Variants in AVPR1A observed in about 807,000 individuals in gnomAD.
AVPR1A encodes the protein vasopressin V1a receptor.
AVPR1A carries 31 observed loss-of-function variants against 31.5 expected under a neutral mutation model. That is an observed-to-expected ratio of 0.99 (90% CI 0.74 to 1.33). The LOEUF (loss-of-function observed/expected upper bound fraction) is 1.33, where lower values mean the gene tolerates loss of function less well. Among genes scored for constraint, AVPR1A ranks in the 40% most tolerant of loss-of-function variants. The pLI, the probability that AVPR1A is intolerant of heterozygous loss-of-function variation, is 0.00. For synonymous variants in AVPR1A, 243 were observed against 233.2 expected (o/e 1.04, Z -0.38); for missense variants, 570 against 575.2 (o/e 0.99, Z 0.09).
rs1868340696 is a variant in AVPR1A, at chr12:63,144,156, T to C, written c.*3203A>G. 1 of 152,214 alleles carries C rather than the reference T, an allele frequency of 6.6e-6. No individual in the cohort carries two copies. The highest frequency in any genetic ancestry group is 2.4e-5 in the African/African-American group (1 of 41,452). 9.4% of individuals were successfully genotyped at this position (152,214 alleles called of 1,614,324 possible). A position where few individuals can be genotyped will look rare whatever the true frequency, so the allele number is the denominator to read the frequency against. On this transcript the variant is annotated 3_prime_UTR_variant, in exon 2 of 2. Transcript: ENST00000299178. ...CCTTCCCGAAATCATGGCATAAGAC[T>C]TGTTTGATGATGATAGAAATTCTAT...
rs754190353 is a variant in AVPR1A, at chr12:63,147,646, C to A, written c.971-1G>T. Reference sequence around the variant, plus strand: ...ATGGTGATGGTAGGGTTTTCCGATTCTGCATGAAAAATATAAAGGGAAATC... The same window carrying A: ...ATGGTGATGGTAGGGTTTTCCGATTATGCATGAAAAATATAAAGGGAAATC... On this transcript the variant is annotated splice_acceptor_variant, in intron 1 of 1. Coordinates refer to ENST00000299178, the MANE Select transcript of AVPR1A (RefSeq NM_000706.5). LOFTEE classifies it high-confidence loss of function. 1 of 1,608,288 alleles carries A rather than the reference C, an allele frequency of 6.2e-7. No homozygotes were observed. Among genetic ancestry groups the A allele is most frequent in the Non-Finnish European group, 8.5e-7 (1 of 1,175,550 alleles).
chr12:63,150,377 A>T lies in AVPR1A; in HGVS notation c.460T>A (p.Cys154Ser). 6.2e-7 allele frequency: 1 copy of T among 1,613,898 alleles called. No individual in the cohort carries two copies. The highest frequency in any genetic ancestry group is 8.5e-7 in the Non-Finnish European group (1 of 1,179,986). The change falls in exon 1 of 2, where the codon TGC (cysteine) becomes AGC (serine). Residue 154 changes from cysteine to serine, a missense_variant. Coordinates refer to ENST00000299178, the MANE Select transcript of AVPR1A (RefSeq NM_000706.5). The surrounding 1 kb of genome is among the most constrained non-coding windows in gnomAD (Gnocchi z 4.9). ...TGTTGCAGAGTCTTGAGCGGGTGGC[A>T]CACCGCGATGTAGCGGTCGGCTGTC... is the stretch of plus-strand genomic sequence containing the variant. The part of the protein sequence containing the change: ...VMTADRYIAV[C>S]HPLKTLQQPA...
At position 63,150,459 on chromosome 12, in the gene AVPR1A, C is replaced by G; in HGVS notation, c.378G>C (p.Val126=). The change falls in exon 1 of 2, where the codon GTG becomes GTC. Residue 126 remains valine, a synonymous_variant. Coordinates refer to ENST00000299178, the MANE Select transcript of AVPR1A (RefSeq NM_000706.5). This position sits in a 1 kb window ranked among gnomAD's most constrained non-coding sequence, Gnocchi z 4.9. ...TGCCGAACACCTGCAGGTGCTTCAC[C>G]ACGCGGCACAGCCAGTCGGGGCCGC... The part of the protein sequence containing the change: ...RFRGPDWLCR[V]VKHLQVFGMF... 6.2e-7 allele frequency: 1 copy of G among 1,613,478 alleles called. No homozygotes were observed. Among genetic ancestry groups the G allele is most frequent in the African/African-American group, 1.3e-5 (1 of 75,068 alleles).
chr12:63,150,490 C>A lies in AVPR1A; in HGVS notation c.347G>T (p.Arg116Leu), dbSNP rs764555580. The A allele has an allele frequency of 1.2e-5, 19 of 1,613,394 alleles. No individual in the cohort carries two copies. Among genetic ancestry groups the A allele is most frequent in the Non-Finnish European group, 1.5e-5 (18 of 1,179,816 alleles). The change falls in exon 1 of 2, where the codon CGC becomes CTC. Residue 116 changes from arginine to leucine, a missense_variant. Transcript: ENST00000299178. This position sits in a 1 kb window ranked among gnomAD's most constrained non-coding sequence, Gnocchi z 4.9. ...LPQMCWDITY[R>L]FRGPDWLCRV... ...GCACAGCCAGTCGGGGCCGCGGAAG[C>A]GGTAGGTGATGTCCCAGCACATTTG... is the stretch of plus-strand genomic sequence containing the variant.
Position 63,150,690 on chromosome 12 carries a change from C to T in AVPR1A, c.147G>A (p.Glu49=). The change falls in exon 1 of 2, where the codon GAG becomes GAA. Residue 49 remains glutamate (E), a synonymous_variant. Coordinates refer to ENST00000299178, the MANE Select transcript of AVPR1A (RefSeq NM_000706.5). The surrounding 1 kb of genome is among the most constrained non-coding windows in gnomAD (Gnocchi z 4.9). ...NGPPRDVRNE[E]LAKLEIAVLA... ...GCACGGCGATCTCCAGTTTGGCCAG[C>T]TCCTCGTTGCGCACGTCCCTCGGTG... 6.2e-7 allele frequency: 1 copy of T among 1,607,616 alleles called. No individual in the cohort carries two copies. The highest frequency in any genetic ancestry group is 8.5e-7 in the Non-Finnish European group (1 of 1,179,876).
In AVPR1A at chr12:63,149,902, A is replaced by G; in HGVS notation, c.935T>C (p.Met312Thr). The change falls in exon 1 of 2, where the codon ATG becomes ACG. Residue 312 changes from methionine (M) to threonine (T), a missense_variant. Physicochemically the swap from Met to Thr is moderately conservative, Grantham distance 81 (BLOSUM62 -1). Coordinates refer to ENST00000299178, the MANE Select transcript of AVPR1A (RefSeq NM_000706.5). Reference protein sequence around the residue: ...VCWAPFFIIQMWSVWDPMSVW... With the variant: ...VCWAPFFIIQTWSVWDPMSVW... ...GGACATGGGATCCCAGACAGACCAC[A>G]TCTGGATGATGAAGAAAGGCGCCCA... The G allele has an allele frequency of 6.2e-7, 1 of 1,613,460 alleles. No homozygotes were observed. Among genetic ancestry groups the G allele is most frequent in the South Asian group, 1.1e-5 (1 of 91,044 alleles).
chr12:63,148,985 TCAAGATG>T (rs939236988), intron 1 of AVPR1A, among the ~76,000 whole-genome samples: 4 of 152,224 alleles, frequency 2.6e-5, no homozygotes, highest in African/African-American at 7.2e-5. Context: ...GAAAATATTT[TCAAGATG>T]CAAAATTAAA....
intron 1 of AVPR1A, 66 bp downstream of exon 1, chr12:63,149,801 C>T: frequency 3.0e-6 from 4 of 1,338,922 alleles, no homozygotes; most frequent in Non-Finnish European, 3.9e-6. Context: ...CTCTCTCTCA[C>T]ACACACACAC....
rs1193106665 is a variant in AVPR1A at position 63,144,808 on chromosome 12, C to T, written c.*2551G>A. ...AACTAGCACCCAGATCTCATGTTTC[C>T]CCAGCCCATTTTCTACTGTCTCATC... On this transcript the variant is annotated 3_prime_UTR_variant, in exon 2 of 2. Coordinates refer to ENST00000299178, the MANE Select transcript of AVPR1A (RefSeq NM_000706.5). 1 of 152,390 alleles carries T rather than the reference C, an allele frequency of 6.6e-6. No individual in the cohort carries two copies. Among genetic ancestry groups the T allele is most frequent in the Non-Finnish European group, 1.5e-5 (1 of 68,222 alleles). 9.4% of individuals were successfully genotyped at this position (152,390 alleles called of 1,614,324 possible). A position where few individuals can be genotyped will look rare whatever the true frequency, so the allele number is the denominator to read the frequency against.
rs1194171571 is a variant in AVPR1A at position 63,150,775 on chromosome 12, A to C, written c.62T>G (p.Leu21Arg). The change falls in exon 1 of 2, where the codon CTG (leucine) becomes CGG (arginine). Residue 21 changes from leucine to arginine, a missense_variant. Leu to Arg is a moderately radical substitution (Grantham distance 102, BLOSUM62 -2). Transcript: ENST00000299178. The surrounding 1 kb of genome is among the most constrained non-coding windows in gnomAD (Gnocchi z 4.9). ...PSGNSSPWWPLATGAGNTSRE... is the reference protein window; with the variant it reads ...PSGNSSPWWPRATGAGNTSRE... The stretch of plus-strand genomic sequence containing the variant: ...GCTTGTGTTGCCAGCGCCGGTGGCC[A>C]GAGGCCACCATGGGCTGGAGTTGCC... The C allele has an allele frequency of 6.9e-6, 11 of 1,597,210 alleles. No homozygotes were observed. Among genetic ancestry groups the C allele is most frequent in the Non-Finnish European group, 9.3e-6 (11 of 1,179,224 alleles).
chr12:63,150,032 C>G lies in AVPR1A; in HGVS notation c.805G>C (p.Gly269Arg). The change falls in exon 1 of 2, where the codon GGG (glycine) becomes CGG (arginine). Residue 269 changes from glycine (G) to arginine (R), a missense_variant. Transcript: ENST00000299178. The surrounding 1 kb of genome is among the most constrained non-coding windows in gnomAD (Gnocchi z 4.9). ...CTGACACAGGGTGCGAGCAGGAACCCCTTTTGGAAGGCCACACCCGCTTGC... is the reference window on the plus strand; with the variant it reads ...CTGACACAGGGTGCGAGCAGGAACCGCTTTTGGAAGGCCACACCCGCTTGC... ...AEQAGVAFQK[G>R]FLLAPCVSSV... 6.2e-7 allele frequency: 1 copy of G among 1,614,130 alleles called. No homozygotes were observed. Among genetic ancestry groups the G allele is most frequent in the South Asian group, 1.1e-5 (1 of 91,082 alleles).
chr12:63,146,100 C>G lies in AVPR1A; in HGVS notation c.*1259G>C, dbSNP rs1868356761. 1.3e-5 allele frequency: 2 copies of G among 152,210 alleles called. No homozygotes were observed. The highest frequency in any genetic ancestry group is 4.1e-4 in the South Asian group (2 of 4,832). The allele number at this position is 152,210 out of a possible 1,614,324, so 9.4% of individuals were successfully genotyped here. Reference sequence around the variant, plus strand: ...CTGCTAGCATGTGTATAGTACTTTACTATTTCTGAAGCTCTTTTAACATAT... The same window carrying G: ...CTGCTAGCATGTGTATAGTACTTTAGTATTTCTGAAGCTCTTTTAACATAT... On this transcript the variant is annotated 3_prime_UTR_variant, in exon 2 of 2. Transcript: ENST00000299178.
At position 63,144,159 on chromosome 12, in the gene AVPR1A, T is replaced by C. The variant is rs192995890; in HGVS notation, c.*3200A>G. ...TCCCGAAATCATGGCATAAGACTTG[T>C]TTGATGATGATAGAAATTCTATATG... On this transcript the variant is annotated 3_prime_UTR_variant, in exon 2 of 2. Coordinates refer to ENST00000299178, the MANE Select transcript of AVPR1A (RefSeq NM_000706.5). The C allele has an allele frequency of 3.8e-4, 58 of 152,320 alleles. No homozygotes were observed. Among genetic ancestry groups the C allele is most frequent in the African/African-American group, 1.3e-3 (56 of 41,564 alleles). 9.4% of individuals were successfully genotyped at this position (152,320 alleles called of 1,614,324 possible). A position where few individuals can be genotyped will look rare whatever the true frequency, so the allele number is the denominator to read the frequency against.
chr12:63,149,607 TTCCAGACATTCTTAATTAGAATGTC>T, intron 1 of AVPR1A, among the ~76,000 whole-genome samples: 1 of 151,930 alleles, frequency 6.6e-6, no homozygotes, highest in Non-Finnish European at 1.5e-5. Context: ...CTGAGCCCCA[TTCCAGACATTCTTAATTAGAATGTC>T]TGCATGGGGA....
At position 63,147,642 on chromosome 12, in the gene AVPR1A, G is replaced by A. The variant is rs750330664; in HGVS notation, c.974C>T (p.Ser325Leu). Residue 325 changes from serine to leucine, a missense_variant, in exon 2 of 2, where the codon TCG becomes TTG. Physicochemically the swap from Ser to Leu is moderately radical, Grantham distance 145. Transcript: ENST00000299178. Reference sequence around the variant, plus strand: ...AGTGATGGTGATGGTAGGGTTTTCCGATTCTGCATGAAAAATATAAAGGGA... The same window carrying A: ...AGTGATGGTGATGGTAGGGTTTTCCAATTCTGCATGAAAAATATAAAGGGA... ...VWDPMSVWTESENPTITITAL... is the reference protein window; with the variant it reads ...VWDPMSVWTELENPTITITAL... The A allele has an allele frequency of 6.2e-6, 10 of 1,608,656 alleles. No individual in the cohort carries two copies. The highest frequency in any genetic ancestry group is 2.2e-5 in the East Asian group (1 of 44,768).
In AVPR1A at chr12:63,143,457, A is replaced by C. The variant is rs981080228; in HGVS notation, c.*3902T>G. 3.9e-5 allele frequency: 6 copies of C among 152,208 alleles called. No individual in the cohort carries two copies. Among genetic ancestry groups the C allele is most frequent in the African/African-American group, 1.4e-4 (6 of 41,458 alleles). 9.4% of individuals were successfully genotyped at this position (152,208 alleles called of 1,614,324 possible). ...AATTATGTTAAAACAATATTCTTAA[A>C]ATGCTTATGTATACAATGGAATCTT... On this transcript the variant is annotated 3_prime_UTR_variant, in exon 2 of 2. Transcript: ENST00000299178.
rs1868342867 is a variant in AVPR1A, at chr12:63,144,454, T to C, written c.*2905A>G. The C allele has an allele frequency of 6.6e-6, 1 of 152,232 alleles. No homozygotes were observed. Among genetic ancestry groups the C allele is most frequent in the South Asian group, 2.1e-4 (1 of 4,834 alleles). 9.4% of individuals were successfully genotyped at this position (152,232 alleles called of 1,614,324 possible). A position where few individuals can be genotyped will look rare whatever the true frequency, so the allele number is the denominator to read the frequency against. ...CCCATATAGAGGCATTAAAATTGTG[T>C]ACTTGCAGGATCTTCCCACTGTTAA... On this transcript the variant is annotated 3_prime_UTR_variant, in exon 2 of 2. Coordinates refer to ENST00000299178, the MANE Select transcript of AVPR1A (RefSeq NM_000706.5).
Position 63,147,510 on chromosome 12 carries a change from ATGTTTTG to A in AVPR1A, c.1099_1105del (p.Gln367Ter). 1 of 1,614,068 alleles carries A rather than the reference ATGTTTTG, an allele frequency of 6.2e-7. No homozygotes were observed. The highest frequency in any genetic ancestry group is 8.5e-7 in the Non-Finnish European group (1 of 1,180,008). On this transcript the variant is annotated frameshift_variant, in exon 2 of 2. Coordinates refer to ENST00000299178, the MANE Select transcript of AVPR1A (RefSeq NM_000706.5). LOFTEE classifies it high-confidence loss of function. ...ATCTTCTTTGTTGAATTTTTCCTTC[ATGTTTTG>A]GCAGCATGGGAAGCTTTGAACACAG... is the stretch of plus-strand genomic sequence containing the variant.
chr12:63,144,547 T>C lies in AVPR1A; in HGVS notation c.*2812A>G, dbSNP rs1868343683. 6.6e-6 allele frequency: 1 copy of C among 152,244 alleles called. No individual in the cohort carries two copies. The allele number at this position is 152,244 out of a possible 1,614,324, so 9.4% of individuals were successfully genotyped here. A position where few individuals can be genotyped will look rare whatever the true frequency, so the allele number is the denominator to read the frequency against. On this transcript the variant is annotated 3_prime_UTR_variant, in exon 2 of 2. Coordinates refer to ENST00000299178, the MANE Select transcript of AVPR1A (RefSeq NM_000706.5). ...GACTGTAAGCTGTTATTTGGCATAA[T>C]ATCTCAGGTCTTCTCTTTAGTCAAG...
Sources: allele counts gnomAD v4.1 joint callset (sites outside exome capture counted in the v4.1 genomes callset), GRCh38; gene constraint gnomAD v4.1.1; non-coding constraint Gnocchi (gnomAD v3.1); transcripts MANE v1.5; gene names NCBI Gene and HGNC (gene_info 2026-07-23, HGNC 2026-07-21).